Variants in CPNE9 observed in about 807,000 individuals in gnomAD.
The protein encoded by CPNE9 is copine-9.
In CPNE9, 59 loss-of-function variants were observed where a neutral mutation model predicts 83.0. The ratio of observed to expected loss-of-function variants is 0.71; its 90% CI spans 0.58 to 0.88. The LOEUF is 0.88. CPNE9 is among the 40% of genes least tolerant of loss of function. CPNE9 has a pLI of 0.00. For synonymous variants in CPNE9, 256 were observed against 273.4 expected, an observed-to-expected ratio of 0.94 and a Z score of 0.63; for missense variants, 619 against 720.8, an observed-to-expected ratio of 0.86 and a Z score of 1.62.
At chr3:9,713,196 C>CA (rs927149487) in intron 10 of CPNE9, 117 bp downstream of exon 10, 2 of 775,566 alleles carry the variant, frequency 2.6e-6, no homozygotes, top group African/African-American at 3.5e-5. Context: ...CTCAGTGAGA[C>CA]AGAGTTTGGG....
intron 10 of CPNE9, among the ~76,000 whole-genome samples, 183 bp downstream of exon 10, chr3:9,713,262 G>T (rs903444348): frequency 4.6e-5 from 7 of 152,230 alleles, no homozygotes; most frequent in African/African-American, 1.7e-4. Context: ...TGGATAGGTG[G>T]ACTATCCAGG....
At chr3:9,705,347 C>G in intron 4 of CPNE9, 117 bp from the exon 5 acceptor site, 1 of 763,492 alleles carries the variant, frequency 1.3e-6, no homozygotes, top group Non-Finnish European at 2.2e-6. Flanking sequence ...AAGCTGAATT[C>G]GGGTCCACGG....
At chr3:9,726,825 C>T in intron 19 of CPNE9, 103 bp downstream of exon 19, 1 of 1,046,944 alleles carries the variant, frequency 9.6e-7, no homozygotes, top group Middle Eastern at 2.5e-4. Context: ...AAGGTAGACA[C>T]CCCCGTGTGA....
At chr3:9,714,531 A>G (rs1242890209) in intron 10 of CPNE9, among the ~76,000 whole-genome samples, 2 of 151,806 alleles carry the variant, frequency 1.3e-5, no homozygotes, top group Non-Finnish European at 2.9e-5. Flanking sequence ...CCTTATCCCA[A>G]AATAATAATA....
chr3:9,729,877 T>C lies in CPNE9; in HGVS notation c.*185T>C. ...TGGCACTATCACCACCTCTCTGCCT[T>C]CATGCCAATAATAAAGCTGATCTTT... On this transcript the variant is annotated 3_prime_UTR_variant, in exon 21 of 21. Coordinates refer to ENST00000383832, the MANE Select transcript of CPNE9 (RefSeq NM_153635.3). 1.4e-6 allele frequency: 1 copy of C among 727,202 alleles called. No individual in the cohort carries two copies. The highest frequency in any genetic ancestry group is 2.1e-6 in the Non-Finnish European group (1 of 473,540). The allele number at this position is 727,202 out of a possible 1,614,324, so 45.0% of individuals were successfully genotyped here. A position where few individuals can be genotyped will look rare whatever the true frequency, so the allele number is the denominator to read the frequency against.
intron 10 of CPNE9, 92 bp downstream of exon 10, chr3:9,713,171 C>A: frequency 1.0e-6 from 1 of 974,700 alleles, no homozygotes; most frequent in Non-Finnish European, 1.6e-6. Context: ...ATCATAATAG[C>A]GTTGGAGGGT....
intron 10 of CPNE9, 31 bp from the exon 11 acceptor site, chr3:9,714,883 A>T (rs754915745): frequency 3.1e-5 from 49 of 1,601,700 alleles, no homozygotes. Flanking sequence ...TATCATACAC[A>T]CCTAGGGTAT....
rs1185237401 is a variant in CPNE9, at chr3:9,714,468, T to G, written c.651-446T>G. Reference sequence around the variant, plus strand: ...GGGTTTAAATCTCAGTTCAGTCATTTACTAGCTATGAGATCTTAGCCAAAT... The same window carrying G: ...GGGTTTAAATCTCAGTTCAGTCATTGACTAGCTATGAGATCTTAGCCAAAT... On this transcript the variant is annotated intron_variant, in intron 10 of 20. Coordinates refer to ENST00000383832, the MANE Select transcript of CPNE9 (RefSeq NM_153635.3). Among the ~76,000 whole-genome samples, 3 of 152,084 alleles carry G rather than the reference T, an allele frequency of 2.0e-5. No individual in the cohort carries two copies. The South Asian group carries it at 6.2e-4, about 32-fold the overall frequency.
chr3:9,728,251 G>T (rs925506321), intron 20 of CPNE9, among the ~76,000 whole-genome samples: 2 of 152,218 alleles, frequency 1.3e-5, no homozygotes, highest in Non-Finnish European at 2.9e-5. Flanking sequence ...ACTTTGGTAG[G>T]CCAAGGCAGG....
chr3:9,705,112 C>A, intron 4 of CPNE9, 118 bp downstream of exon 4: 1 of 767,382 alleles, frequency 1.3e-6, no homozygotes, highest in Non-Finnish European at 2.3e-6. Context: ...GCCTCCCTCC[C>A]ATTCTGAATG....
rs377066303 is a variant in CPNE9 at position 9,704,701 on chromosome 3, G to T, written c.110-48G>T. On this transcript the variant is annotated intron_variant, in intron 2 of 20. Transcript: ENST00000383832. The surrounding 1 kb of genome is among the most constrained non-coding windows in gnomAD (Gnocchi z 7.1). ...TCAGGGGCGGGTGGAGTCGGGGCCA[G>T]GGGTGGGAGCCGACCTGACGTCCTT... 11 of 1,611,012 alleles carry T rather than the reference G, an allele frequency of 6.8e-6. No individual in the cohort carries two copies. The African/African-American group carries it at 1.2e-4, about 18-fold the overall frequency.
intron 20 of CPNE9, among the ~76,000 whole-genome samples, chr3:9,728,919 C>T (rs1442157189): frequency 2.0e-5 from 3 of 152,212 alleles, no homozygotes; most frequent in Admixed American, 6.5e-5. Flanking sequence ...CCTTGTCTCC[C>T]CTGCTCCCTC....
intron 10 of CPNE9, among the ~76,000 whole-genome samples, chr3:9,713,948 C>G (rs4684654): frequency 0.061 from 9,270 of 152,092 alleles, 408 homozygotes; most frequent in Admixed American, 0.14. Flanking sequence ...TGGTGGGCGC[C>G]TGTAGTTCCA....
intron 7 of CPNE9, among the ~76,000 whole-genome samples, chr3:9,709,618 T>C (rs113466939): frequency 0.019 from 2,878 of 150,512 alleles, 64 homozygotes; most frequent in African/African-American, 0.064. Flanking sequence ...TCCACCCACC[T>C]TGGCCTCCCA....
chr3:9,729,800 G>A lies in CPNE9; in HGVS notation c.*108G>A. The A allele has an allele frequency of 1.4e-6, 2 of 1,445,114 alleles. No individual in the cohort carries two copies. Among genetic ancestry groups the A allele is most frequent in the Non-Finnish European group, 1.8e-6 (2 of 1,092,950 alleles). 89.5% of individuals were successfully genotyped at this position (1,445,114 alleles called of 1,614,324 possible). On this transcript the variant is annotated 3_prime_UTR_variant, in exon 21 of 21. Coordinates refer to ENST00000383832, the MANE Select transcript of CPNE9 (RefSeq NM_153635.3). ...TGGACTTCACTGGGAGGGCCAACTT[G>A]GAGGATCAGTGCTGGCTGACAAGCC...
rs1370649979 is a variant in CPNE9 at position 9,726,691 on chromosome 3, T to G, written c.1371T>G (p.Ile457Met). ...CCTCCTCATTGCCCATGTCTATCAT[T>G]ATCGTCGGTGTAGGACCAGCCATGT... ...VSASSLPMSIIIVGVGPAMFE... is the reference protein window; with the variant it reads ...VSASSLPMSIMIVGVGPAMFE... The change falls in exon 19 of 21, where the codon ATT becomes ATG. Residue 457 changes from isoleucine to methionine, a missense_variant. Transcript: ENST00000383832. 1 of 1,613,896 alleles carries G rather than the reference T, an allele frequency of 6.2e-7. No individual in the cohort carries two copies. Among genetic ancestry groups the G allele is most frequent in the Non-Finnish European group, 8.5e-7 (1 of 1,179,944 alleles).
chr3:9,705,419 T>TCCCCCCCCCC, intron 4 of CPNE9, 45 bp from the exon 5 acceptor site: 2 of 662,628 alleles, frequency 3.0e-6, no homozygotes, highest in South Asian at 1.6e-5. Context: ...TTCCACCCTC[T>TCCCCCCCCCC]CCCCCACCCA....
At chr3:9,712,253 C>G (rs1027144882) in intron 7 of CPNE9, among the ~76,000 whole-genome samples, 11 of 152,146 alleles carry the variant, frequency 7.2e-5, no homozygotes, top group African/African-American at 2.7e-4. Context: ...AATAACTTGC[C>G]CAGGGTCACA....
intron 7 of CPNE9, among the ~76,000 whole-genome samples, chr3:9,706,654 T>A (rs148846530): frequency 6.6e-6 from 1 of 152,230 alleles, no homozygotes; most frequent in Non-Finnish European, 1.5e-5. Flanking sequence ...TTAGACAATA[T>A]TAAGTGCTAT....
Sources: gnomAD v4.1 joint callset for allele counts (sites outside exome capture counted in the v4.1 genomes callset) on GRCh38, gnomAD v4.1.1 for gene constraint, Gnocchi (gnomAD v3.1) non-coding constraint, MANE v1.5 for transcripts, NCBI Gene and HGNC (gene_info 2026-07-23, HGNC 2026-07-21) for gene names.